The following EIF2B3 variants were observed in gnomAD, a reference collection of about 807,000 sequenced individuals.
EIF2B3 encodes translation initiation factor eIF2B subunit gamma.
Under a neutral mutation model 54.1 loss-of-function variants are expected in EIF2B3, and 20 were observed. The ratio of observed to expected loss-of-function variants is 0.37; its 90% confidence interval spans 0.26 to 0.54. The LOEUF is 0.54. Ranked by LOEUF, EIF2B3 falls within the 20% of genes least tolerant of loss-of-function variation. The pLI is 0.86. For missense variants in EIF2B3, 448 were observed against 547.8 expected, an observed-to-expected ratio of 0.82 and a Z score of 1.82; for synonymous variants, 153 against 188.1, an observed-to-expected ratio of 0.81 and a Z score of 1.52.
intron 3 of EIF2B3, among the ~76,000 whole-genome samples, chr1:44,964,378 T>C (rs542725550): frequency 2.0e-4 from 30 of 152,270 alleles, no homozygotes; most frequent in African/African-American, 7.0e-4. Context: ...CTTTTCAAGA[T>C]GATAGAAATC....
At chr1:44,889,595 T>C (rs906197009) in intron 6 of EIF2B3, among the ~76,000 whole-genome samples, 6 of 151,892 alleles carry the variant, frequency 4.0e-5, no homozygotes, top group African/African-American at 1.4e-4. Flanking sequence ...ATTTACTTTG[T>C]TTTTTATCTT....
Position 44,850,642 on chromosome 1 carries a change from T to C in EIF2B3, c.*309A>G, listed in dbSNP as rs1654240987. ...TGGGTTGGGTCAGCCAGTCAGAAAG[T>C]AGCCTTCCTAGGAGCTTTACATTGG... On this transcript the variant is annotated 3_prime_UTR_variant, in exon 12 of 12. Transcript: ENST00000360403. The C allele has an allele frequency of 4.5e-6, 2 of 444,078 alleles. No homozygotes were observed. The highest frequency in any genetic ancestry group is 4.1e-6 in the Non-Finnish European group (1 of 245,420). 27.5% of individuals were successfully genotyped at this position (444,078 alleles called of 1,614,324 possible).
chr1:44,880,412 C>T (rs968900289), intron 7 of EIF2B3, among the ~76,000 whole-genome samples: 1 of 152,150 alleles, frequency 6.6e-6, no homozygotes, highest in East Asian at 1.9e-4. Context: ...ATCAAGACCA[C>T]TAGGGAAAAT....
intron 1 of EIF2B3, among the ~76,000 whole-genome samples, chr1:44,983,525 T>C (rs1460650995): frequency 6.6e-6 from 1 of 152,168 alleles, no homozygotes; most frequent in African/African-American, 2.4e-5. Context: ...TTTGGTATTA[T>C]ATAACATCCA....
At chr1:44,945,067 C>G (rs1295553895) in intron 3 of EIF2B3, among the ~76,000 whole-genome samples, 2 of 152,096 alleles carry the variant, frequency 1.3e-5, no homozygotes, top group Non-Finnish European at 2.9e-5. Flanking sequence ...ATGTTACTGC[C>G]TGAAATTTCT....
At chr1:44,926,450 A>G (rs1374997655) in intron 5 of EIF2B3, among the ~76,000 whole-genome samples, 178 bp downstream of exon 5, 1 of 152,192 alleles carries the variant, frequency 6.6e-6, no homozygotes, top group Non-Finnish European at 1.5e-5. Flanking sequence ...AAGACAGGGA[A>G]ACAGGCTTAT....
intron 5 of EIF2B3, among the ~76,000 whole-genome samples, chr1:44,910,354 G>C (rs1294967313): frequency 1.3e-5 from 2 of 152,164 alleles, no homozygotes; most frequent in Non-Finnish European, 2.9e-5. Flanking sequence ...CTCTGAACCT[G>C]AATTTTCAGT....
rs561610233 is a variant in EIF2B3 at position 44,883,728 on chromosome 1, TC to T, written c.657-1990del. On this transcript the variant is annotated intron_variant, in intron 6 of 11. Transcript: ENST00000360403. ...TTAGCTGCCTCTATGTGTATTAAAC[TC>T]TTTATTGCAATTCTCCCATCTTGAT... 5.0e-3 allele frequency among the ~76,000 whole-genome samples: 755 copies of T among 152,342 alleles called. 2 individuals are homozygous for T. Among genetic ancestry groups the T allele is most frequent in the Admixed American group, 8.6e-3 (131 of 15,308 alleles).
At chr1:44,973,091 C>T (rs1449753495) in intron 3 of EIF2B3, among the ~76,000 whole-genome samples, 1 of 152,142 alleles carries the variant, frequency 6.6e-6, no homozygotes, top group Non-Finnish European at 1.5e-5. Flanking sequence ...CCCTTGTACA[C>T]TGTTGGTGGC....
At position 44,981,125 on chromosome 1, in the gene EIF2B3, C is replaced by T. The variant is rs200409938; in HGVS notation, c.44G>A (p.Arg15Gln). ...AATGCTGGAAGTTAGGTCTGTCATC[C>T]GAGATCCTCCACCTACTGCCATCAC... The part of the protein sequence containing the change: ...AVVMAVGGGS[R>Q]MTDLTSSIPK... The change falls in exon 2 of 12, where the codon CGG becomes CAG. Residue 15 changes from arginine to glutamine, a missense_variant. Around this residue, in one of 3 missense-constraint regions of EIF2B3, gnomAD observed 95 missense variants for 115.7 expected, o/e 0.82. Transcript: ENST00000360403. The T allele has an allele frequency of 1.2e-4, 201 of 1,612,704 alleles. No individual in the cohort carries two copies. Among genetic ancestry groups the T allele is most frequent in the Non-Finnish European group, 1.2e-4 (139 of 1,179,886 alleles).
Position 44,941,483 on chromosome 1 carries a change from AAAC to A in EIF2B3, c.454+20_454+22del. 6.3e-7 allele frequency: 1 copy of A among 1,588,138 alleles called. No homozygotes were observed. The highest frequency in any genetic ancestry group is 8.5e-7 in the Non-Finnish European group (1 of 1,170,662). ...AATAATTACGAAAACTCAACAAACA[AAAC>A]AAACTCCAATCTTCCTTACCTGCTT... On this transcript the variant is annotated intron_variant, in intron 4 of 11. Transcript: ENST00000360403.
chr1:44,865,460 G>A (rs867452638), intron 10 of EIF2B3, among the ~76,000 whole-genome samples: 1 of 151,876 alleles, frequency 6.6e-6, no homozygotes, highest in Non-Finnish European at 1.5e-5. Context: ...GGTATGAGTA[G>A]GTTATTTCAT....
intron 4 of EIF2B3, among the ~76,000 whole-genome samples, chr1:44,931,371 T>G (rs894996964): frequency 2.6e-5 from 4 of 152,226 alleles, no homozygotes; most frequent in Admixed American, 6.5e-5. Context: ...GACTGCAGCC[T>G]TCTGAAAGAC....
chr1:44,972,207 G>A (rs1489831774), intron 3 of EIF2B3, among the ~76,000 whole-genome samples: 2 of 150,798 alleles, frequency 1.3e-5, no homozygotes, highest in South Asian at 2.1e-4. Flanking sequence ...GGGCAACATA[G>A]TGAGACTCTG....
chr1:44,907,054 T>G (rs1010758741), intron 5 of EIF2B3, among the ~76,000 whole-genome samples: 1 of 152,186 alleles, frequency 6.6e-6, no homozygotes, highest in African/African-American at 2.4e-5. Context: ...AGATTTTACC[T>G]GCTAAATCCT....
At chr1:44,855,385 G>A (rs1410184378) in intron 11 of EIF2B3, among the ~76,000 whole-genome samples, 2 of 152,232 alleles carry the variant, frequency 1.3e-5, no homozygotes, top group East Asian at 1.9e-4. Flanking sequence ...TGCAACCATC[G>A]CACAGAGGCC....
chr1:44,973,011 A>G (rs1332770639), intron 3 of EIF2B3, among the ~76,000 whole-genome samples: 1 of 152,216 alleles, frequency 6.6e-6, no homozygotes, highest in Non-Finnish European at 1.5e-5. Context: ...ATGGCACTCC[A>G]ACCTGGATGT....
intron 3 of EIF2B3, among the ~76,000 whole-genome samples, chr1:44,948,874 GAGAA>G (rs1644132078): frequency 1.4e-5 from 2 of 148,070 alleles, no homozygotes; most frequent in African/African-American, 5.0e-5. Context: ...CTTTTTTTTT[GAGAA>G]AGAGTCTCGC....
intron 6 of EIF2B3, among the ~76,000 whole-genome samples, chr1:44,887,798 G>A (rs775053658): frequency 2.0e-5 from 3 of 152,036 alleles, no homozygotes; most frequent in Non-Finnish European, 4.4e-5. Flanking sequence ...CTGGCTACTC[G>A]GGGGGCTGAG....
Sources: gnomAD v4.1 joint callset for allele counts (sites outside exome capture counted in the v4.1 genomes callset) on GRCh38, gnomAD v4.1.1 for gene constraint, gnomAD v4.1.1 regional missense constraint, MANE v1.5 for transcripts, NCBI Gene and HGNC (gene_info 2026-07-23, HGNC 2026-07-21) for gene names.